Variants in NEK10 observed in about 807,000 individuals in gnomAD.
The protein encoded by NEK10 is serine/threonine-protein kinase Nek10.
Under a neutral mutation model 159.8 loss-of-function variants are expected in NEK10, and 122 were observed. The observed-to-expected ratio is 0.76, with a 90% CI of 0.66 to 0.89. The LOEUF is 0.89. NEK10 is among the 40% of genes least tolerant of loss of function. The probability of loss-of-function intolerance (pLI) is 0.00; values close to 1 mark genes in which losing one functional copy is unlikely to be tolerated. For missense variants in NEK10, 1,342 were observed against 1,323.1 expected (o/e 1.01, Z -0.22); for synonymous variants, 466 against 457.1 (o/e 1.02, Z -0.25).
chr3:27,363,989 G>A (rs2048866895), intron 1 of NEK10: 1 of 151,932 alleles, frequency 6.6e-6, no homozygotes, highest in African/African-American at 2.4e-5. Flanking sequence ...CTATGACAAG[G>A]TGGCAGTCGG....
chr3:27,138,783 T>C (rs748649551), intron 31 of NEK10, among the ~76,000 whole-genome samples: 4 of 152,202 alleles, frequency 2.6e-5, no homozygotes, highest in Non-Finnish European at 5.9e-5. Flanking sequence ...GGGATGCTAG[T>C]AATCCATGGC....
chr3:27,300,938 C>T (rs1416741784), intron 13 of NEK10, among the ~76,000 whole-genome samples: 1 of 152,192 alleles, frequency 6.6e-6, no homozygotes, highest in African/African-American at 2.4e-5. Flanking sequence ...TAGTAGACAG[C>T]AAGGAAAGCC....
intron 14 of NEK10, among the ~76,000 whole-genome samples, chr3:27,296,235 C>T (rs2043345671): frequency 6.6e-6 from 1 of 152,040 alleles, no homozygotes; most frequent in Non-Finnish European, 1.5e-5. Flanking sequence ...TGTGTGCAGG[C>T]ATTCATATTA....
intron 35 of NEK10, among the ~76,000 whole-genome samples, chr3:27,113,256 C>T (rs1939836526): frequency 6.6e-6 from 1 of 151,766 alleles, no homozygotes; most frequent in Non-Finnish European, 1.5e-5. Context: ...CATGAAGAAA[C>T]CCCGTTTCTA....
chr3:27,342,502 C>G (rs2149775408), intron 5 of NEK10, among the ~76,000 whole-genome samples: 1 of 150,824 alleles, frequency 6.6e-6, no homozygotes, highest in Admixed American at 6.6e-5. Flanking sequence ...TCCTGAATTC[C>G]ATCTCATACT....
At chr3:27,259,819 A>T (rs2040236857) in intron 22 of NEK10, among the ~76,000 whole-genome samples, 1 of 152,096 alleles carries the variant, frequency 6.6e-6, no homozygotes. Context: ...CAGTATGGCC[A>T]TTTTCACAAT....
intron 30 of NEK10, among the ~76,000 whole-genome samples, chr3:27,159,644 T>G (rs1945819738): frequency 6.6e-6 from 1 of 152,174 alleles, no homozygotes; most frequent in African/African-American, 2.4e-5. Context: ...CAATCTATTA[T>G]TTAATTGAAA....
chr3:27,230,655 T>C (rs557033941), intron 23 of NEK10, among the ~76,000 whole-genome samples: 1 of 151,544 alleles, frequency 6.6e-6, no homozygotes, highest in Non-Finnish European at 1.5e-5. Flanking sequence ...CAAATAAACT[T>C]AAAGGACAGG....
rs1381465299 is a variant in NEK10, at chr3:27,312,272, G to A, written c.490-95C>T. On this transcript the variant is annotated intron_variant, in intron 7 of 35. Coordinates refer to ENST00000691995, the MANE Select transcript of NEK10 (RefSeq NM_001394966.1). ...GCTGCAGTTCTTAAAATAAACTGTA[G>A]GTGGCAAAACAGATTCATCAAATAA... 8.0e-6 allele frequency: 5 copies of A among 628,832 alleles called. No individual in the cohort carries two copies. The African/African-American group carries it at 9.3e-5, about 12-fold the overall frequency. The allele number at this position is 628,832 out of a possible 1,614,324, so 39.0% of individuals were successfully genotyped here.
intron 27 of NEK10, 47 bp from the exon 28 acceptor site, chr3:27,174,572 G>A: frequency 6.2e-7 from 1 of 1,601,754 alleles, no homozygotes; most frequent in Admixed American, 1.8e-5. Context: ...TCTTGAAACA[G>A]GAAGGAGTCC....
At chr3:27,345,703 C>T (rs1008837457) in intron 4 of NEK10, among the ~76,000 whole-genome samples, 3 of 152,170 alleles carry the variant, frequency 2.0e-5, no homozygotes, top group African/African-American at 4.8e-5. Flanking sequence ...GTTTTGACAA[C>T]GATATACTTT....
At chr3:27,260,817 T>G (rs1236049301) in intron 22 of NEK10, among the ~76,000 whole-genome samples, 2 of 152,192 alleles carry the variant, frequency 1.3e-5, no homozygotes, top group African/African-American at 4.8e-5. Flanking sequence ...TCCTTGTACC[T>G]CTGGTAGAAT....
In NEK10 at chr3:27,304,752, TAA is replaced by T; in HGVS notation, c.1021_1022del (p.Leu341ThrfsTer9). 1.2e-6 allele frequency: 2 copies of T among 1,610,302 alleles called. No homozygotes were observed. Among genetic ancestry groups the T allele is most frequent in the Non-Finnish European group, 1.7e-6 (2 of 1,176,652 alleles). ...CAAAGCCCACTTTTACTCACCCTTG[TAA>T]AATATGAAGAAGCTGTTTGATGCCT... ...WGGIKQLLHI[L>X]QGDRNFVSDH... is the part of the protein sequence containing the mutation. On this transcript the variant is annotated frameshift_variant, in exon 12 of 36. Coordinates refer to ENST00000691995, the MANE Select transcript of NEK10 (RefSeq NM_001394966.1). LOFTEE classifies it high-confidence loss of function.
At chr3:27,297,315 A>C in intron 13 of NEK10, 75 bp from the exon 14 acceptor site, 1 of 954,770 alleles carries the variant, frequency 1.0e-6, no homozygotes, top group Non-Finnish European at 1.7e-6. Flanking sequence ...CTCTTACTCC[A>C]CAGGGTATTT....
chr3:27,173,676 T>C (rs1043154803), intron 28 of NEK10, among the ~76,000 whole-genome samples: 1 of 152,214 alleles, frequency 6.6e-6, no homozygotes, highest in South Asian at 2.1e-4. Flanking sequence ...GTATAGTCAC[T>C]GAGGAGAGAG....
intron 22 of NEK10, among the ~76,000 whole-genome samples, chr3:27,267,283 A>G (rs1209029479): frequency 2.0e-5 from 3 of 152,176 alleles, no homozygotes; most frequent in Non-Finnish European, 2.9e-5. Context: ...GGGCTGTCTT[A>G]AAATTTGCTC....
intron 25 of NEK10, among the ~76,000 whole-genome samples, chr3:27,197,373 AC>A (rs1361350750): frequency 6.6e-6 from 1 of 151,764 alleles, no homozygotes; most frequent in Non-Finnish European, 1.5e-5. Flanking sequence ...ATGGGGTTTC[AC>A]CATGTTGGCC....
At chr3:27,128,386 C>T (rs1350703073) in intron 32 of NEK10, among the ~76,000 whole-genome samples, 1 of 152,126 alleles carries the variant, frequency 6.6e-6, no homozygotes, top group African/African-American at 2.4e-5. Context: ...GACATTAACG[C>T]CCATTGGTGA....
chr3:27,111,955 G>C (rs932464339), intron 35 of NEK10, among the ~76,000 whole-genome samples: 6 of 152,152 alleles, frequency 3.9e-5, no homozygotes, highest in African/African-American at 1.4e-4. Flanking sequence ...AGAGCTATGA[G>C]GCTGGCCAAG....
Sources: gnomAD v4.1 joint callset for allele counts (sites outside exome capture counted in the v4.1 genomes callset) on GRCh38, gnomAD v4.1.1 for gene constraint, MANE v1.5 for transcripts, NCBI Gene and HGNC (gene_info 2026-07-23, HGNC 2026-07-21) for gene names.